Variants in MANEAL observed in about 807,000 individuals in gnomAD.
The protein encoded by MANEAL is glycoprotein endo-alpha-1,2-mannosidase-like protein.
In MANEAL, 28 loss-of-function variants were observed where a neutral mutation model predicts 35.9. The ratio of observed to expected loss-of-function variants is 0.78; its 90% confidence interval spans 0.58 to 1.07. The LOEUF (loss-of-function observed/expected upper bound fraction) is 1.07. Ranked by LOEUF, MANEAL falls within the 50% of genes least tolerant of loss-of-function variation. The probability of loss-of-function intolerance (pLI) is 0.00; values close to 1 mark genes in which losing one functional copy is unlikely to be tolerated. For missense variants in MANEAL, 576 were observed against 629.6 expected (o/e 0.91, Z 0.91); for synonymous variants, 286 against 272.2 (o/e 1.05, Z -0.50).
chr1:37,798,760 C>T (rs1557574379), intron 3 of MANEAL, among the ~76,000 whole-genome samples: 1 of 147,938 alleles, frequency 6.8e-6, no homozygotes, highest in East Asian at 2.1e-4. Context: ...AAAAAAAGCC[C>T]AGGCCCAGTG....
rs532443272 is a variant in MANEAL, at chr1:37,794,621, A to C, written c.439A>C (p.Ser147Arg). 5.3e-5 allele frequency: 86 copies of C among 1,610,876 alleles called. 1 individual carries two copies. In the South Asian group the frequency reaches 9.4e-4, roughly 18 times the overall value. The change falls in exon 1 of 4, where the codon AGC (serine) becomes CGC (arginine). Residue 147 changes from serine (S) to arginine (R), a missense_variant. Ser to Arg is a moderately radical substitution (Grantham distance 110). Around this residue, in one of 3 missense-constraint regions of MANEAL, gnomAD observed 449 missense variants for 516.1 expected, o/e 0.87. Coordinates refer to ENST00000373045, the MANE Select transcript of MANEAL (RefSeq NM_001113482.2). The surrounding 1 kb of genome is among the most constrained non-coding windows in gnomAD (Gnocchi z 5.7). ...GGCCAGCTACCCCCGCGGCCGCCACAGCCCCCCAGACGACTTGGGCTCCAG... is the reference window on the plus strand; with the variant it reads ...GGCCAGCTACCCCCGCGGCCGCCACCGCCCCCCAGACGACTTGGGCTCCAG... Reference protein sequence around the residue: ...ISASYPRGRHSPPDDLGSSFY... With the variant: ...ISASYPRGRHRPPDDLGSSFY...
chr1:37,798,893 G>C (rs1485426469), intron 3 of MANEAL, among the ~76,000 whole-genome samples: 1 of 151,822 alleles, frequency 6.6e-6, no homozygotes, highest in African/African-American at 2.4e-5. Flanking sequence ...ACAAAAATTA[G>C]GCAGGTATGG....
chr1:37,797,464 C>CTTTTTTTTTTTTT (rs79029579), intron 3 of MANEAL, among the ~76,000 whole-genome samples: 2 of 116,996 alleles, frequency 1.7e-5, no homozygotes, highest in Non-Finnish European at 1.9e-5. Context: ...AATGCCAGTG[C>CTTTTTTTTTTTTT]TTTTTTTTTT....
At chr1:37,796,444 C>T (rs1335971229) in intron 2 of MANEAL, among the ~76,000 whole-genome samples, 1 of 152,196 alleles carries the variant, frequency 6.6e-6, no homozygotes. Context: ...ATACTTATTC[C>T]ACTGTTTCAG....
intron 3 of MANEAL, among the ~76,000 whole-genome samples, chr1:37,797,104 T>G (rs1403071580): frequency 6.6e-6 from 1 of 152,182 alleles, no homozygotes; most frequent in African/African-American, 2.4e-5. Flanking sequence ...GCACCTCATT[T>G]ATTCATTCAG....
At position 37,799,596 on chromosome 1, in the gene MANEAL, A is replaced by T; in HGVS notation, c.767A>T (p.Tyr256Phe). The part of the protein sequence containing the change: ...TYGSHGAFYR[Y>F]KNSMGKSLPL... ...GGCTCCCATGGTGCATTTTACCGCTATAAGAACAGCATGGGCAAGAGCCTC... is the reference window on the plus strand; with the variant it reads ...GGCTCCCATGGTGCATTTTACCGCTTTAAGAACAGCATGGGCAAGAGCCTC... Residue 256 changes from tyrosine to phenylalanine, a missense_variant, in exon 4 of 4, where the codon TAT becomes TTT. Transcript: ENST00000373045. This position sits in a 1 kb window ranked among gnomAD's most constrained non-coding sequence, Gnocchi z 4.1. 6.2e-7 allele frequency: 1 copy of T among 1,614,110 alleles called. No homozygotes were observed. The highest frequency in any genetic ancestry group is 8.5e-7 in the Non-Finnish European group (1 of 1,179,998).
At position 37,795,759 on chromosome 1, in the gene MANEAL, C is replaced by T. The variant is rs1225240967; in HGVS notation, c.573C>T (p.Tyr191=). The T allele has an allele frequency of 1.2e-6, 2 of 1,614,038 alleles. No individual in the cohort carries two copies. The highest frequency in any genetic ancestry group is 1.7e-5 in the Admixed American group (1 of 60,004). ...AAIGVLVLSW[Y]PPGMADDNGE... Reference sequence around the variant, plus strand: ...CAGGCGTCCTGGTCCTGTCCTGGTACCCACCTGGCATGGCTGATGATAACG... The same window carrying T: ...CAGGCGTCCTGGTCCTGTCCTGGTATCCACCTGGCATGGCTGATGATAACG... The change falls in exon 2 of 4, where the codon TAC becomes TAT. Residue 191 remains tyrosine, a synonymous_variant. Transcript: ENST00000373045.
In MANEAL at chr1:37,800,136, T is replaced by G; in HGVS notation, c.1307T>G (p.Leu436Arg). 1 of 1,614,006 alleles carries G rather than the reference T, an allele frequency of 6.2e-7. No individual in the cohort carries two copies. ...GACTACCTGCCTCACCAGCCCAGCC[T>G]GTACCTGGAGCTGACACGCCGCTGG... ...YLDYLPHQPS[L>R]YLELTRRWAE... is the part of the protein sequence containing the mutation. Residue 436 changes from leucine (L) to arginine (R), a missense_variant, in exon 4 of 4, where the codon CTG (leucine) becomes CGG (arginine). By Grantham distance (102) the Leu-to-Arg change is moderately radical (BLOSUM62 -2). Around this residue, in one of 3 missense-constraint regions of MANEAL, gnomAD observed 449 missense variants for 516.1 expected, o/e 0.87. Transcript: ENST00000373045.
intron 3 of MANEAL, among the ~76,000 whole-genome samples, chr1:37,797,496 A>G (rs1185185623): frequency 1.4e-5 from 2 of 141,784 alleles, no homozygotes; most frequent in Non-Finnish European, 3.0e-5. Context: ...TTTGAGACAG[A>G]GTCTCACTCT....
chr1:37,795,575 G>C (rs1397320715), intron 1 of MANEAL, 162 bp from the exon 2 acceptor site: 67 of 1,443,468 alleles, frequency 4.6e-5, no homozygotes, highest in Non-Finnish European at 5.9e-5. Context: ...ACAGCTCCGG[G>C]GCGCGAGGCT....
rs1184539524 is a variant in MANEAL, at chr1:37,794,197, G to C, written c.15G>C (p.Arg5=). ...CACAGTCGGCCATGGCCCGGCGGCG[G>C]CGCCGCGCCTGCATCGCTCTGTTCC... MARR[R]RRACIALFLV... The change falls in exon 1 of 4, where the codon CGG becomes CGC. Residue 5 remains arginine, a synonymous_variant. Transcript: ENST00000373045. The surrounding 1 kb of genome is among the most constrained non-coding windows in gnomAD (Gnocchi z 5.7). 1 of 1,287,818 alleles carries C rather than the reference G, an allele frequency of 7.8e-7. No individual in the cohort carries two copies. Among genetic ancestry groups the C allele is most frequent in the Non-Finnish European group, 1.0e-6 (1 of 1,000,504 alleles). 79.8% of individuals were successfully genotyped at this position (1,287,818 alleles called of 1,614,324 possible).
At chr1:37,797,434 G>A (rs1028155114) in intron 3 of MANEAL, among the ~76,000 whole-genome samples, 5 of 150,336 alleles carry the variant, frequency 3.3e-5, no homozygotes, top group African/African-American at 7.3e-5. Context: ...ATGAGGCTGC[G>A]TGCAATGGCT....
In MANEAL at chr1:37,795,734, C is replaced by G. The variant is rs1310171669; in HGVS notation, c.551-3C>G. 6.2e-7 allele frequency: 1 copy of G among 1,614,174 alleles called. No individual in the cohort carries two copies. The highest frequency in any genetic ancestry group is 1.1e-5 in the South Asian group (1 of 91,080). On this transcript the variant is annotated splice_region_variant and splice_polypyrimidine_tract_variant and intron_variant, in intron 1 of 3. Transcript: ENST00000373045. Reference sequence around the variant, plus strand: ...CTGAAGTGGCCTCTGTGTTGCGTCTCAGGCGTCCTGGTCCTGTCCTGGTAC... The same window carrying G: ...CTGAAGTGGCCTCTGTGTTGCGTCTGAGGCGTCCTGGTCCTGTCCTGGTAC...
At position 37,794,763 on chromosome 1, in the gene MANEAL, C is replaced by T. The variant is rs1316445045; in HGVS notation, c.550+31C>T. 1 of 1,422,660 alleles carries T rather than the reference C, an allele frequency of 7.0e-7. No homozygotes were observed. The highest frequency in any genetic ancestry group is 9.6e-7 in the Non-Finnish European group (1 of 1,044,800). The allele number at this position is 1,422,660 out of a possible 1,614,324, so 88.1% of individuals were successfully genotyped here. A position where few individuals can be genotyped will look rare whatever the true frequency, so the allele number is the denominator to read the frequency against. ...CGCCCCCCACCCCGGGCGGCCCTGC[C>T]CCCCAGCCTCACCCTTCCTCCTTCC... On this transcript the variant is annotated intron_variant, in intron 1 of 3. Transcript: ENST00000373045. The surrounding 1 kb of genome is among the most constrained non-coding windows in gnomAD (Gnocchi z 5.7).
At position 37,794,747 on chromosome 1, in the gene MANEAL, C is replaced by T. The variant is rs761617312; in HGVS notation, c.550+15C>T. 3 of 1,524,392 alleles carry T rather than the reference C, an allele frequency of 2.0e-6. No individual in the cohort carries two copies. Among genetic ancestry groups the T allele is most frequent in the Admixed American group, 1.9e-5 (1 of 53,914 alleles). 94.4% of individuals were successfully genotyped at this position (1,524,392 alleles called of 1,614,324 possible). On this transcript the variant is annotated intron_variant, in intron 1 of 3. Transcript: ENST00000373045. The surrounding 1 kb of genome is among the most constrained non-coding windows in gnomAD (Gnocchi z 5.7). ...AGCCGCCATCGGTGAGCGCCCCCCA[C>T]CCCGGGCGGCCCTGCCCCCCAGCCT...
intron 3 of MANEAL, among the ~76,000 whole-genome samples, chr1:37,798,165 A>C (rs1015842604): frequency 5.9e-5 from 9 of 152,072 alleles, no homozygotes; most frequent in African/African-American, 1.2e-4. Flanking sequence ...AAACAAACAA[A>C]AAAAAAGAGA....
At chr1:37,795,417 G>C (rs1278905046) in intron 1 of MANEAL, 2 of 962,350 alleles carry the variant, frequency 2.1e-6, no homozygotes, top group Non-Finnish European at 2.7e-6. Flanking sequence ...CTTCTTCAGA[G>C]GTAGGCCTGT....
Position 37,794,039 on chromosome 1 carries a change from C to T in MANEAL, c.-144C>T, listed in dbSNP as rs1399017842. 1.1e-5 allele frequency: 4 copies of T among 361,300 alleles called. No homozygotes were observed. The highest frequency in any genetic ancestry group is 6.0e-5 in the Admixed American group (1 of 16,628). The allele number at this position is 361,300 out of a possible 1,614,324, so 22.4% of individuals were successfully genotyped here. On this transcript the variant is annotated 5_prime_UTR_variant, in exon 1 of 4. Coordinates refer to ENST00000373045, the MANE Select transcript of MANEAL (RefSeq NM_001113482.2). The surrounding 1 kb of genome is among the most constrained non-coding windows in gnomAD (Gnocchi z 5.7). ...CCTGCGTCCTGTGTGCCGAGCCCGC[C>T]CGCACTGCGGGGACAGGCCGGGCGC...
rs1468696884 is a variant in MANEAL, at chr1:37,794,179, G to C, written c.-4G>C. On this transcript the variant is annotated 5_prime_UTR_variant, in exon 1 of 4. Coordinates refer to ENST00000373045, the MANE Select transcript of MANEAL (RefSeq NM_001113482.2). The surrounding 1 kb of genome is among the most constrained non-coding windows in gnomAD (Gnocchi z 5.7). ...GCGGCGGCTGCAGGAGCGCACAGTC[G>C]GCCATGGCCCGGCGGCGGCGCCGCG... The C allele has an allele frequency of 4.0e-6, 5 of 1,239,372 alleles. No homozygotes were observed. Among genetic ancestry groups the C allele is most frequent in the Non-Finnish European group, 5.1e-6 (5 of 978,216 alleles). The allele number at this position is 1,239,372 out of a possible 1,614,324, so 76.8% of individuals were successfully genotyped here.
Sources: allele counts gnomAD v4.1 joint callset (sites outside exome capture counted in the v4.1 genomes callset), GRCh38; gene constraint gnomAD v4.1.1; regional missense constraint gnomAD v4.1.1; non-coding constraint Gnocchi (gnomAD v3.1); transcripts MANE v1.5; gene names NCBI Gene and HGNC (gene_info 2026-07-23, HGNC 2026-07-21).